Variants in RTN4RL1 observed in about 807,000 individuals in gnomAD.
RTN4RL1 encodes the protein reticulon 4 receptor like 1, also known as reticulon-4 receptor-like 1.
In RTN4RL1, 7 loss-of-function variants were observed where a neutral mutation model predicts 25.6. The ratio of observed to expected loss-of-function variants is 0.27; its 90% CI spans 0.16 to 0.51. The LOEUF (loss-of-function observed/expected upper bound fraction) is 0.51. Among genes scored for constraint, RTN4RL1 ranks in the 20% least tolerant of loss-of-function variants. The probability of loss-of-function intolerance (pLI) is 0.97; values close to 1 mark genes in which losing one functional copy is unlikely to be tolerated. For missense variants in RTN4RL1, 500 were observed against 615.6 expected, an observed-to-expected ratio of 0.81 and a Z score of 1.99; for synonymous variants, 297 against 288.2, an observed-to-expected ratio of 1.03 and a Z score of -0.31.
chr17:1,977,877 T>C (rs2066849681), intron 1 of RTN4RL1, among the ~76,000 whole-genome samples: 1 of 151,556 alleles, frequency 6.6e-6, no homozygotes. Context: ...CGGGGGCGCA[T>C]CCTGCATCCT....
chr17:1,977,762 C>A (rs1208836923), intron 1 of RTN4RL1, among the ~76,000 whole-genome samples: 1 of 152,146 alleles, frequency 6.6e-6, no homozygotes, highest in Non-Finnish European at 1.5e-5. Context: ...CGAGGTGTTA[C>A]AACTCTGTCC....
chr17:1,951,344 T>C (rs1915673496), intron 1 of RTN4RL1, among the ~76,000 whole-genome samples: 1 of 151,808 alleles, frequency 6.6e-6, no homozygotes, highest in Non-Finnish European at 1.5e-5. Context: ...AATGCTTTTG[T>C]GGAGGGGAAA....
rs533082082 is a variant in RTN4RL1 at position 1,966,883 on chromosome 17, G to A, written c.14-29075C>T. Among the ~76,000 whole-genome samples, 93 of 152,164 alleles carry A rather than the reference G, an allele frequency of 6.1e-4. 1 individual carries two copies. Among genetic ancestry groups the A allele is most frequent in the Non-Finnish European group, 1.0e-3 (69 of 67,996 alleles). Reference sequence around the variant, plus strand: ...TCACCCCCTCCCTCACTGCCTTCAGGGGCCCTTCCAAACCTCGCCCAGTCT... The same window carrying A: ...TCACCCCCTCCCTCACTGCCTTCAGAGGCCCTTCCAAACCTCGCCCAGTCT... On this transcript the variant is annotated intron_variant, in intron 1 of 1. Coordinates refer to ENST00000331238, the MANE Select transcript of RTN4RL1 (RefSeq NM_178568.4).
At chr17:2,011,968 G>C (rs1314535150) in intron 1 of RTN4RL1, among the ~76,000 whole-genome samples, 2 of 152,098 alleles carry the variant, frequency 1.3e-5, no homozygotes, top group Non-Finnish European at 2.9e-5. Context: ...AACGCCCCTG[G>C]AGCCCTCCCT....
intron 1 of RTN4RL1, among the ~76,000 whole-genome samples, chr17:1,972,550 C>A (rs1387076459): frequency 6.6e-6 from 1 of 152,112 alleles, no homozygotes; most frequent in Non-Finnish European, 1.5e-5. Context: ...CCTGCAACGC[C>A]CTCTCTACCC....
chr17:2,011,960 C>T (rs1279746238), intron 1 of RTN4RL1, among the ~76,000 whole-genome samples: 2 of 152,154 alleles, frequency 1.3e-5, no homozygotes, highest in Non-Finnish European at 2.9e-5. Flanking sequence ...GCCTGAGCAA[C>T]GCCCCTGGAG....
At chr17:1,941,969 C>G (rs1270824922) in intron 1 of RTN4RL1, among the ~76,000 whole-genome samples, 1 of 152,192 alleles carries the variant, frequency 6.6e-6, no homozygotes, top group East Asian at 1.9e-4. Context: ...GATTAATGTG[C>G]AGAAGTGAGG....
At position 1,998,558 on chromosome 17, in the gene RTN4RL1, G is replaced by A. The variant is rs1314636976; in HGVS notation, c.13+26295C>T. Among the ~76,000 whole-genome samples the A allele has an allele frequency of 6.6e-6, 1 of 152,126 alleles. No individual in the cohort carries two copies. The highest frequency in any genetic ancestry group is 1.5e-5 in the Non-Finnish European group (1 of 68,004). On this transcript the variant is annotated intron_variant, in intron 1 of 1. Coordinates refer to ENST00000331238, the MANE Select transcript of RTN4RL1 (RefSeq NM_178568.4). The surrounding 1 kb of genome is among the most constrained non-coding windows in gnomAD (Gnocchi z 4.9). ...GCAGGTCCCTGCCGGATCCCCGGCGGCTTTCCTGCCCCCACTTTACAGACG... is the reference window on the plus strand; with the variant it reads ...GCAGGTCCCTGCCGGATCCCCGGCGACTTTCCTGCCCCCACTTTACAGACG...
rs1915271984 is a variant in RTN4RL1, at chr17:1,935,276, C to T, written c.*1220G>A. Reference sequence around the variant, plus strand: ...CCAGATCCCAAAGCCCCTTCCTTCCCCTTCTCCATCTCGCTCACCCTCGGG... The same window carrying T: ...CCAGATCCCAAAGCCCCTTCCTTCCTCTTCTCCATCTCGCTCACCCTCGGG... On this transcript the variant is annotated 3_prime_UTR_variant, in exon 2 of 2. Coordinates refer to ENST00000331238, the MANE Select transcript of RTN4RL1 (RefSeq NM_178568.4). 1 of 153,310 alleles carries T rather than the reference C, an allele frequency of 6.5e-6. No homozygotes were observed. Among genetic ancestry groups the T allele is most frequent in the Non-Finnish European group, 1.5e-5 (1 of 68,524 alleles). 9.5% of individuals were successfully genotyped at this position (153,310 alleles called of 1,614,324 possible). A position where few individuals can be genotyped will look rare whatever the true frequency, so the allele number is the denominator to read the frequency against.
At chr17:1,983,100 G>A (rs1223467314) in intron 1 of RTN4RL1, among the ~76,000 whole-genome samples, 1 of 151,554 alleles carries the variant, frequency 6.6e-6, no homozygotes, top group East Asian at 1.9e-4. Flanking sequence ...ACCCAGGCTG[G>A]AGTGCAATGG....
At chr17:1,986,268 C>A (rs9903341) in intron 1 of RTN4RL1, among the ~76,000 whole-genome samples, 1 of 151,942 alleles carries the variant, frequency 6.6e-6, no homozygotes, top group Non-Finnish European at 1.5e-5. Flanking sequence ...CATGACCACC[C>A]GATGAAGTAG....
intron 1 of RTN4RL1, among the ~76,000 whole-genome samples, chr17:1,955,725 AG>A (rs1249179237): frequency 1.3e-5 from 2 of 151,764 alleles, no homozygotes; most frequent in African/African-American, 4.8e-5. Flanking sequence ...CTGGGATTAC[AG>A]GCGCCCACCA....
At chr17:1,962,717 T>C (rs1479035021) in intron 1 of RTN4RL1, among the ~76,000 whole-genome samples, 4 of 151,302 alleles carry the variant, frequency 2.6e-5, no homozygotes, top group Admixed American at 2.0e-4. Context: ...ATACAAAAAC[T>C]AGCCGGGCAG....
At chr17:2,024,412 C>T (rs550403984) in intron 1 of RTN4RL1, among the ~76,000 whole-genome samples, 192 of 152,278 alleles carry the variant, frequency 1.3e-3, no homozygotes, top group African/African-American at 4.2e-3. Flanking sequence ...CGGGGAGCGC[C>T]CGGGCCGCGC....
Position 1,936,839 on chromosome 17 carries a change from T to G in RTN4RL1, c.983A>C (p.Glu328Ala). 6.3e-7 allele frequency: 1 copy of G among 1,585,762 alleles called. No individual in the cohort carries two copies. Among genetic ancestry groups the G allele is most frequent in the South Asian group, 1.2e-5 (1 of 86,662 alleles). Residue 328 changes from glutamate to alanine, a missense_variant, in exon 2 of 2, where the codon GAA becomes GCA. By Grantham distance (107) the Glu-to-Ala change is moderately radical (BLOSUM62 -1). Coordinates refer to ENST00000331238, the MANE Select transcript of RTN4RL1 (RefSeq NM_178568.4). ...LTTTDRAARK[E>A]HHSPHGPTRS... The stretch of plus-strand genomic sequence containing the variant: ...GGTGGGGCCGTGGGGTGAGTGGTGT[T>G]CCTTGCGGGCGGCCCTGTCGGTGGT...
chr17:1,945,678 TCCCCCTCTTCTAATACACTACGTGA>T (rs1915522718), intron 1 of RTN4RL1, among the ~76,000 whole-genome samples: 1 of 152,134 alleles, frequency 6.6e-6, no homozygotes, highest in Admixed American at 6.5e-5. Context: ...CCCACAGCAT[TCCCCCTCTTCTAATACACTACGTGA>T]TTTCCTTATT....
Position 1,994,084 on chromosome 17 carries a change from G to T in RTN4RL1, c.13+30769C>A, listed in dbSNP as rs907829773. ...AACCACCCCGTTCCTCAGGACACGT[G>T]CACTCGAACCTCGCCGCTCCGGGTC... is the stretch of plus-strand genomic sequence containing the variant. On this transcript the variant is annotated intron_variant, in intron 1 of 1. Coordinates refer to ENST00000331238, the MANE Select transcript of RTN4RL1 (RefSeq NM_178568.4). The surrounding 1 kb of genome is among the most constrained non-coding windows in gnomAD (Gnocchi z 4.3). 6.6e-5 allele frequency among the ~76,000 whole-genome samples: 10 copies of T among 152,052 alleles called. No homozygotes were observed. The highest frequency in any genetic ancestry group is 2.2e-4 in the African/African-American group (9 of 41,370).
chr17:1,966,490 C>A (rs148201229), intron 1 of RTN4RL1, among the ~76,000 whole-genome samples: 35 of 152,230 alleles, frequency 2.3e-4, no homozygotes, highest in African/African-American at 7.9e-4. Context: ...GATTCTGACC[C>A]GGAATCCAAG....
At chr17:1,963,081 A>G (rs1647516756) in intron 1 of RTN4RL1, among the ~76,000 whole-genome samples, 1 of 152,010 alleles carries the variant, frequency 6.6e-6, no homozygotes, top group Non-Finnish European at 1.5e-5. Flanking sequence ...GGAATTACAG[A>G]CATGAGCCAC....
Sources: allele counts gnomAD v4.1 joint callset (sites outside exome capture counted in the v4.1 genomes callset), GRCh38; gene constraint gnomAD v4.1.1; non-coding constraint Gnocchi (gnomAD v3.1); transcripts MANE v1.5; gene names NCBI Gene and HGNC (gene_info 2026-07-23, HGNC 2026-07-21).